The following DYNC2H1 variants were observed in gnomAD, a reference collection of about 807,000 sequenced individuals.
DYNC2H1 encodes the protein cytoplasmic dynein 2 heavy chain 1.
A neutral mutation model predicts 570.0 loss-of-function variants in DYNC2H1; 410 were observed. The ratio of observed to expected loss-of-function variants is 0.72; its 90% CI spans 0.66 to 0.78. The LOEUF (loss-of-function observed/expected upper bound fraction) is 0.78, where lower values mean the gene tolerates loss of function less well. DYNC2H1 is among the 30% of genes least tolerant of loss of function. The probability of loss-of-function intolerance (pLI) is 0.00; values close to 1 mark genes in which losing one functional copy is unlikely to be tolerated. For synonymous variants in DYNC2H1, 1,688 were observed against 1,677.6 expected (o/e 1.01, Z -0.15); for missense variants, 4,865 against 5,046.4 (o/e 0.96, Z 1.09).
chr11:103,233,830 A>ATATGTGTGTGTG lies in DYNC2H1; in HGVS notation c.9441-203_9441-202insATGTGTGTGTGT, dbSNP rs1555076328. 7.0e-4 allele frequency among the ~76,000 whole-genome samples: 53 copies of ATATGTGTGTGTG among 75,872 alleles called. 2 individuals are homozygous for ATATGTGTGTGTG. Among genetic ancestry groups the ATATGTGTGTGTG allele is most frequent in the African/African-American group, 1.4e-3 (34 of 25,034 alleles). The allele number at this position is 75,872 out of a possible 152,430, so 49.8% of individuals were successfully genotyped here. Reference sequence around the variant, plus strand: ...TTTGAGGTAGAGAATGCTACACTTTATGTGTGTGTGTGTGTGTGTGTGTGT... The same window carrying ATATGTGTGTGTG: ...TTTGAGGTAGAGAATGCTACACTTTATATGTGTGTGTGTGTGTGTGTGTGTGTGTGTGTGTGT... On this transcript the variant is annotated intron_variant, in intron 60 of 88. Coordinates refer to ENST00000375735, the MANE Select transcript of DYNC2H1 (RefSeq NM_001377.3).
chr11:103,217,166 A>T (rs918239512), intron 55 of DYNC2H1, among the ~76,000 whole-genome samples: 1 of 152,152 alleles, frequency 6.6e-6, no homozygotes, highest in Non-Finnish European at 1.5e-5. Flanking sequence ...TATCTCAATT[A>T]AAAAGTAAGT....
intron 82 of DYNC2H1, among the ~76,000 whole-genome samples, chr11:103,331,804 G>A (rs1321318902): frequency 6.6e-6 from 1 of 152,142 alleles, no homozygotes; most frequent in Non-Finnish European, 1.5e-5. Context: ...GCTCACGCCC[G>A]TAATCCCAGC....
intron 85 of DYNC2H1, chr11:103,454,947 T>C: frequency 2.3e-6 from 1 of 427,954 alleles, no homozygotes; most frequent in Non-Finnish European, 4.1e-6. Flanking sequence ...ACTTTTTATT[T>C]TGAGCAGATT....
At chr11:103,188,885 T>A (rs1235459589) in intron 44 of DYNC2H1, among the ~76,000 whole-genome samples, 1 of 152,110 alleles carries the variant, frequency 6.6e-6, no homozygotes, top group Non-Finnish European at 1.5e-5. Context: ...GAAACTGTTT[T>A]GTGTAGTCTG....
At chr11:103,474,325 C>T (rs1287179592) in intron 88 of DYNC2H1, among the ~76,000 whole-genome samples, 1 of 152,096 alleles carries the variant, frequency 6.6e-6, no homozygotes, top group Non-Finnish European at 1.5e-5. Flanking sequence ...ATCATTTCCT[C>T]TTCTAAAAAA....
chr11:103,278,942 G>T (rs1866021208), intron 70 of DYNC2H1, among the ~76,000 whole-genome samples: 1 of 152,180 alleles, frequency 6.6e-6, no homozygotes. Flanking sequence ...CCTATTGTAG[G>T]CAATAGGGTT....
chr11:103,154,252 A>G (rs1860702679), intron 22 of DYNC2H1, among the ~76,000 whole-genome samples, 199 bp from the exon 23 acceptor site: 1 of 152,050 alleles, frequency 6.6e-6, no homozygotes, highest in African/African-American at 2.4e-5. Flanking sequence ...GAGTAGGTAA[A>G]GTAAAATTCT....
chr11:103,248,650 T>C (rs1591471704), intron 65 of DYNC2H1, among the ~76,000 whole-genome samples: 2 of 152,028 alleles, frequency 1.3e-5, no homozygotes, highest in African/African-American at 4.8e-5. Context: ...ACAGATAAAA[T>C]TGTGGAGCAC....
intron 87 of DYNC2H1, among the ~76,000 whole-genome samples, chr11:103,458,915 A>C (rs1591788947): frequency 6.6e-6 from 1 of 151,870 alleles, no homozygotes; most frequent in Non-Finnish European, 1.5e-5. Flanking sequence ...CAAGCAATCC[A>C]CCTTCCTCGG....
chr11:103,216,288 A>T (rs2135136561), intron 55 of DYNC2H1, among the ~76,000 whole-genome samples: 1 of 151,880 alleles, frequency 6.6e-6, no homozygotes, highest in African/African-American at 2.4e-5. Context: ...TTGTATTTTG[A>T]TTATACATTT....
intron 82 of DYNC2H1, among the ~76,000 whole-genome samples, chr11:103,345,552 A>T (rs1565514062): frequency 6.6e-6 from 1 of 152,108 alleles, no homozygotes; most frequent in African/African-American, 2.4e-5. Context: ...CTTGATTCAC[A>T]TTTTTTATTG....
At chr11:103,343,956 G>A (rs1939610578) in intron 82 of DYNC2H1, among the ~76,000 whole-genome samples, 1 of 152,092 alleles carries the variant, frequency 6.6e-6, no homozygotes, top group African/African-American at 2.4e-5. Context: ...GTGATTTATG[G>A]AATTAATAAA....
At chr11:103,404,979 G>A (rs546638235) in intron 84 of DYNC2H1, 6 of 151,844 alleles carry the variant, frequency 4.0e-5, no homozygotes, top group Non-Finnish European at 7.4e-5. Flanking sequence ...TAAATATATG[G>A]TGAGCTCATA....
intron 83 of DYNC2H1, among the ~76,000 whole-genome samples, chr11:103,365,557 T>C (rs771930907): frequency 1.1e-4 from 16 of 152,124 alleles, no homozygotes; most frequent in Non-Finnish European, 1.5e-4. Flanking sequence ...TTTGATCAGA[T>C]TGAAATAGGG....
At chr11:103,148,417 T>G in intron 19 of DYNC2H1, 73 bp from the exon 20 acceptor site, 1 of 1,465,662 alleles carries the variant, frequency 6.8e-7, no homozygotes, top group South Asian at 1.3e-5. Context: ...CACCCCTTGA[T>G]TTAGAAATTA....
intron 65 of DYNC2H1, among the ~76,000 whole-genome samples, chr11:103,248,146 T>C (rs973095401): frequency 2.6e-5 from 4 of 152,090 alleles, no homozygotes; most frequent in Admixed American, 2.0e-4. Context: ...TATAATGGGC[T>C]GTGGGATATC....
rs538936312 is a variant in DYNC2H1, at chr11:103,255,973, A to G, written c.10327-133A>G. The G allele has an allele frequency of 5.3e-4, 384 of 729,286 alleles. 1 individual carries two copies. In the African/African-American group the frequency reaches 6.6e-3, roughly 13 times the overall value. 45.2% of individuals were successfully genotyped at this position (729,286 alleles called of 1,614,324 possible). On this transcript the variant is annotated intron_variant, in intron 67 of 88. Coordinates refer to ENST00000375735, the MANE Select transcript of DYNC2H1 (RefSeq NM_001377.3). ...AACAGAATAAAACTTTAAGAGGGCT[A>G]TAAAATGTTGAAATTCTTCTAAAAT...
intron 88 of DYNC2H1, among the ~76,000 whole-genome samples, chr11:103,475,121 G>C (rs1428059873): frequency 6.6e-6 from 1 of 152,082 alleles, no homozygotes; most frequent in Non-Finnish European, 1.5e-5. Flanking sequence ...TCAAATTTTA[G>C]CCTCATTATT....
intron 70 of DYNC2H1, among the ~76,000 whole-genome samples, chr11:103,274,540 C>A (rs1865835829): frequency 6.6e-6 from 1 of 151,966 alleles, no homozygotes; most frequent in South Asian, 2.1e-4. Flanking sequence ...TTTAAAGATT[C>A]ATTAATTTAT....
Sources: allele counts gnomAD v4.1 joint callset (sites outside exome capture counted in the v4.1 genomes callset), GRCh38; gene constraint gnomAD v4.1.1; transcripts MANE v1.5; gene names NCBI Gene and HGNC (gene_info 2026-07-23, HGNC 2026-07-21).